The following UBE2E2 variants were observed in gnomAD, a reference collection of about 807,000 sequenced individuals.
UBE2E2 encodes ubiquitin-conjugating enzyme E2 E2.
UBE2E2 carries 6 observed loss-of-function variants against 24.7 expected under a neutral mutation model. The ratio of observed to expected loss-of-function variants is 0.24; its 90% confidence interval spans 0.13 to 0.48. UBE2E2 has a LOEUF of 0.48. Among genes scored for constraint, UBE2E2 ranks in the 20% least tolerant of loss-of-function variants. The pLI is 0.99. For synonymous variants in UBE2E2, 104 were observed against 83.6 expected (o/e 1.24, Z -1.33); for missense variants, 169 against 245.0 (o/e 0.69, Z 2.07).
chr3:23,358,799 A>C (rs1019462877), intron 3 of UBE2E2, among the ~76,000 whole-genome samples: 1 of 152,242 alleles, frequency 6.6e-6, no homozygotes, highest in African/African-American at 2.4e-5. Context: ...GCCATTGTGC[A>C]TGAACTAACA....
In UBE2E2 at chr3:23,416,818, T is replaced by C. The variant is rs28835332; in HGVS notation, c.228-82790T>C. On this transcript the variant is annotated intron_variant, in intron 3 of 5. Coordinates refer to ENST00000396703, the MANE Select transcript of UBE2E2 (RefSeq NM_152653.4). ...TTGAGTTGATCAGCAGTCTCTGATA[T>C]CTTTTCTTCTGCTTGATCAATTCGG... is the stretch of plus-strand genomic sequence containing the variant. Among the ~76,000 whole-genome samples, 1,000 of 152,308 alleles carry C rather than the reference T, an allele frequency of 6.6e-3. 10 individuals are homozygous for C. Among genetic ancestry groups the C allele is most frequent in the African/African-American group, 0.023 (940 of 41,566 alleles).
chr3:23,343,173 G>A (rs1320870111), intron 3 of UBE2E2, among the ~76,000 whole-genome samples: 1 of 151,892 alleles, frequency 6.6e-6, no homozygotes, highest in Non-Finnish European at 1.5e-5. Flanking sequence ...GGTACATGAA[G>A]GAGTTAACAT....
At chr3:23,349,619 T>C (rs1327863429) in intron 3 of UBE2E2, among the ~76,000 whole-genome samples, 1 of 152,180 alleles carries the variant, frequency 6.6e-6, no homozygotes, top group Non-Finnish European at 1.5e-5. Flanking sequence ...GCCCACGGAA[T>C]CTCGCTGATT....
chr3:23,361,301 A>G (rs190451325), intron 3 of UBE2E2, among the ~76,000 whole-genome samples: 15 of 152,358 alleles, frequency 9.8e-5, no homozygotes, highest in African/African-American at 2.6e-4. Context: ...TAGAACTACT[A>G]TTTGATCCAG....
intron 3 of UBE2E2, among the ~76,000 whole-genome samples, chr3:23,413,269 A>G (rs1230573685): frequency 6.6e-6 from 1 of 152,194 alleles, no homozygotes; most frequent in African/African-American, 2.4e-5. Flanking sequence ...GGTTAACACT[A>G]GGTAAAATTT....
chr3:23,551,639 G>T (rs989860942), intron 5 of UBE2E2, among the ~76,000 whole-genome samples: 2 of 152,190 alleles, frequency 1.3e-5, no homozygotes, highest in African/African-American at 4.8e-5. Context: ...TAGAAAGAAT[G>T]GGGGCAGCTG....
At chr3:23,478,811 C>T (rs1032802159) in intron 3 of UBE2E2, among the ~76,000 whole-genome samples, 5 of 151,936 alleles carry the variant, frequency 3.3e-5, no homozygotes, top group African/African-American at 1.2e-4. Flanking sequence ...GTGGCTGAGG[C>T]AGAATGATCA....
chr3:23,281,492 T>C (rs989566876), intron 3 of UBE2E2, among the ~76,000 whole-genome samples: 4 of 152,084 alleles, frequency 2.6e-5, no homozygotes, highest in Admixed American at 1.3e-4. Context: ...AATAAATTAG[T>C]TGGGCCCAGT....
chr3:23,304,112 A>G (rs1454322393), intron 3 of UBE2E2, among the ~76,000 whole-genome samples: 1 of 152,176 alleles, frequency 6.6e-6, no homozygotes, highest in Non-Finnish European at 1.5e-5. Context: ...TATGTTGAGT[A>G]GTGTACATTT....
chr3:23,288,548 T>C (rs1698679052), intron 3 of UBE2E2, among the ~76,000 whole-genome samples: 1 of 152,242 alleles, frequency 6.6e-6, no homozygotes, highest in Admixed American at 6.5e-5. Flanking sequence ...TTGGGATCTA[T>C]CTTTCTCTTT....
chr3:23,206,476 C>T (rs1004702284), intron 1 of UBE2E2, among the ~76,000 whole-genome samples: 3 of 152,130 alleles, frequency 2.0e-5, no homozygotes, highest in African/African-American at 4.8e-5. Context: ...GACTGGTGCT[C>T]TTCATTTACA....
At chr3:23,440,678 TC>T (rs1342906025) in intron 3 of UBE2E2, among the ~76,000 whole-genome samples, 16 of 152,344 alleles carry the variant, frequency 1.1e-4, no homozygotes, top group African/African-American at 3.8e-4. Flanking sequence ...CCTAAATGTT[TC>T]AGTCTAGTTA....
Position 23,435,944 on chromosome 3 carries a change from A to T in UBE2E2, c.228-63664A>T, listed in dbSNP as rs1008191578. 4.6e-5 allele frequency among the ~76,000 whole-genome samples: 7 copies of T among 152,210 alleles called. No homozygotes were observed. In the East Asian group the frequency reaches 1.4e-3, roughly 29 times the overall value. On this transcript the variant is annotated intron_variant, in intron 3 of 5. Coordinates refer to ENST00000396703, the MANE Select transcript of UBE2E2 (RefSeq NM_152653.4). The stretch of plus-strand genomic sequence containing the variant: ...TTTGGGGATGAAACTCTTCTGCCTC[A>T]GATCATCAAGCGTTAGTTAGATTCT...
At chr3:23,389,390 C>G (rs545317788) in intron 3 of UBE2E2, among the ~76,000 whole-genome samples, 42 of 152,266 alleles carry the variant, frequency 2.8e-4, no homozygotes, top group Middle Eastern at 3.4e-3. Flanking sequence ...GGCTTTATTA[C>G]GAATGGAGTT....
chr3:23,290,303 G>T (rs142993555), intron 3 of UBE2E2, among the ~76,000 whole-genome samples: 213 of 152,294 alleles, frequency 1.4e-3, no homozygotes, highest in African/African-American at 4.8e-3. Flanking sequence ...ACGCTGCAAA[G>T]GGTCCAAGGC....
At chr3:23,492,016 G>T (rs1699507607) in intron 3 of UBE2E2, among the ~76,000 whole-genome samples, 1 of 152,174 alleles carries the variant, frequency 6.6e-6, no homozygotes, top group Admixed American at 6.5e-5. Flanking sequence ...TAACAGTTTG[G>T]TAGGTGATTG....
At chr3:23,253,307 C>G (rs1006621322) in intron 3 of UBE2E2, among the ~76,000 whole-genome samples, 5 of 152,162 alleles carry the variant, frequency 3.3e-5, no homozygotes, top group African/African-American at 1.2e-4. Flanking sequence ...CACAGTGAGA[C>G]AGGCAGAGAA....
intron 3 of UBE2E2, among the ~76,000 whole-genome samples, chr3:23,388,781 C>T (rs185023666): frequency 1.3e-5 from 2 of 152,018 alleles, no homozygotes; most frequent in Admixed American, 6.5e-5. Context: ...CCAAGGCAGG[C>T]GGATCATGAG....
At chr3:23,462,365 C>T (rs1162684638) in intron 3 of UBE2E2, among the ~76,000 whole-genome samples, 1 of 152,132 alleles carries the variant, frequency 6.6e-6, no homozygotes, top group Non-Finnish European at 1.5e-5. Flanking sequence ...TATGTGGTAA[C>T]GGATTTTAGA....
Sources: gnomAD v4.1 joint callset for allele counts (sites outside exome capture counted in the v4.1 genomes callset) on GRCh38, gnomAD v4.1.1 for gene constraint, MANE v1.5 for transcripts, NCBI Gene and HGNC (gene_info 2026-07-23, HGNC 2026-07-21) for gene names.